The following ZDHHC6 variants were observed in gnomAD, a reference collection of about 807,000 sequenced individuals.
ZDHHC6 encodes the protein zDHHC palmitoyltransferase 6, also known as palmitoyltransferase ZDHHC6.
A neutral mutation model predicts 57.8 loss-of-function variants in ZDHHC6; 32 were observed. The observed-to-expected ratio is 0.55, with a 90% CI of 0.42 to 0.74. The LOEUF (loss-of-function observed/expected upper bound fraction) is 0.74, where lower values mean the gene tolerates loss of function less well. Among genes scored for constraint, ZDHHC6 ranks in the 30% least tolerant of loss-of-function variants. The pLI is 0.00. For missense variants in ZDHHC6, 433 were observed against 500.7 expected, an observed-to-expected ratio of 0.86 and a Z score of 1.29; for synonymous variants, 128 against 158.0, an observed-to-expected ratio of 0.81 and a Z score of 1.42.
chr10:112,432,174 T>C, intron 10 of ZDHHC6, 66 bp downstream of exon 10: 1 of 1,490,432 alleles, frequency 6.7e-7, no homozygotes, highest in Non-Finnish European at 9.0e-7. Context: ...ATAAAAGTTA[T>C]TCTTGTAAAA....
chr10:112,441,764 G>A (rs1326518435), intron 4 of ZDHHC6, among the ~76,000 whole-genome samples: 1 of 152,140 alleles, frequency 6.6e-6, no homozygotes, highest in Non-Finnish European at 1.5e-5. Context: ...GGTTTAATCT[G>A]TTTATATTTT....
Position 112,434,442 on chromosome 10 carries a change from T to G in ZDHHC6, c.758A>C (p.Tyr253Ser). The G allele has an allele frequency of 6.2e-7, 1 of 1,613,270 alleles. No individual in the cohort carries two copies. Among genetic ancestry groups the G allele is most frequent in the Non-Finnish European group, 8.5e-7 (1 of 1,179,620 alleles). ...EEKAKDRIQY[Y>S]QLDEVFVFPY... ...AAAAACAAAGACTTCATCTAGTTGATAATACTGAATTCGATCTTTAGCCTG... is the reference window on the plus strand; with the variant it reads ...AAAAACAAAGACTTCATCTAGTTGAGAATACTGAATTCGATCTTTAGCCTG... Residue 253 changes from tyrosine to serine, a missense_variant, in exon 7 of 11, where the codon TAT (tyrosine) becomes TCT (serine). By Grantham distance (144) the Tyr-to-Ser change is moderately radical (BLOSUM62 -2). Coordinates refer to ENST00000369405, the MANE Select transcript of ZDHHC6 (RefSeq NM_022494.3).
intron 7 of ZDHHC6, 162 bp from the exon 8 acceptor site, chr10:112,433,443 A>C: frequency 1.9e-6 from 1 of 527,726 alleles, no homozygotes; most frequent in South Asian, 3.1e-5. Context: ...GCATGGAAAA[A>C]AAGGCCCTAT....
intron 6 of ZDHHC6, among the ~76,000 whole-genome samples, chr10:112,436,426 A>C (rs982151481): frequency 6.6e-6 from 1 of 152,244 alleles, no homozygotes; most frequent in African/African-American, 2.4e-5. Context: ...CAGCGAGCCA[A>C]GATTGTGCCA....
rs770823047 is a variant in ZDHHC6 at position 112,442,294 on chromosome 10, T to C, written c.417A>G (p.Gln139=). The change falls in exon 4 of 11, where the codon CAA becomes CAG. Residue 139 remains glutamine, a synonymous_variant. Transcript: ENST00000369405. ...CPWINNCCGY[Q]NHASFTLFLL... is the part of the protein sequence containing the mutation. ...GAAACAGTGTGAACGAAGCATGATT[T>C]TGGTAACCACAACAGTTGTTGATCC... 6.2e-6 allele frequency: 10 copies of C among 1,613,930 alleles called. No individual in the cohort carries two copies. In the African/African-American group the frequency reaches 6.7e-5, roughly 11 times the overall value.
At chr10:112,426,569 A>C (rs148398419), downstream of ZDHHC6, 421 of 620,696 alleles carry the variant, frequency 6.8e-4, 5 homozygotes, top group East Asian at 8.2e-3. Context: ...AGATTGGGAA[A>C]GAAGAGTAAA....
intron 1 of ZDHHC6, among the ~76,000 whole-genome samples, chr10:112,446,051 C>G (rs1253200744): frequency 6.6e-6 from 1 of 152,188 alleles, no homozygotes; most frequent in African/African-American, 2.4e-5. Flanking sequence ...TCACAAGTAA[C>G]AGGTGAACCA....
downstream of ZDHHC6, among the ~76,000 whole-genome samples, chr10:112,429,191 C>G (rs1844854155): frequency 1.3e-5 from 2 of 152,172 alleles, no homozygotes; most frequent in South Asian, 4.1e-4. Flanking sequence ...AAAGGGTAGG[C>G]AGGAATTAAC....
chr10:112,440,531 T>C lies in ZDHHC6; in HGVS notation c.681+3A>G. Reference sequence around the variant, plus strand: ...TTTGACTTGAGGTAATTGAGATGCTTACCTGGATAAAAAACAACATCCCAA... The same window carrying C: ...TTTGACTTGAGGTAATTGAGATGCTCACCTGGATAAAAAACAACATCCCAA... On this transcript the variant is annotated splice_donor_region_variant and intron_variant, in intron 5 of 10. Transcript: ENST00000369405. 1.9e-6 allele frequency: 3 copies of C among 1,612,344 alleles called. No homozygotes were observed. The highest frequency in any genetic ancestry group is 2.5e-6 in the Non-Finnish European group (3 of 1,178,874).
At chr10:112,442,054 A>T in intron 4 of ZDHHC6, 138 bp downstream of exon 4, 1 of 1,015,170 alleles carries the variant, frequency 9.9e-7, no homozygotes, top group Non-Finnish European at 1.4e-6. Flanking sequence ...AGGAACCCAT[A>T]TACCAGTAAA....
At chr10:112,447,303 G>GCC (rs1227489657), upstream of ZDHHC6, 1 of 1,525,714 alleles carries the variant, frequency 6.6e-7, no homozygotes, top group African/African-American at 1.4e-5. Flanking sequence ...AAGCCGCGGG[G>GCC]CCCCTCGCTG....
upstream of ZDHHC6, chr10:112,447,103 G>T (rs988072946): frequency 2.9e-5 from 14 of 479,538 alleles, no homozygotes; most frequent in South Asian, 1.8e-4. Context: ...ACGCTTTTCT[G>T]GGGGGAGGCA....
At chr10:112,438,291 T>C (rs1845741400) in intron 6 of ZDHHC6, 45 bp downstream of exon 6, 2 of 1,219,352 alleles carry the variant, frequency 1.6e-6, no homozygotes, top group Non-Finnish European at 2.2e-6. Context: ...CAGTCCTTTA[T>C]TAATATACTT....
At chr10:112,431,000 CT>C in intron 10 of ZDHHC6, 93 bp from the exon 11 acceptor site, 1 of 1,025,892 alleles carries the variant, frequency 9.7e-7, no homozygotes, top group Non-Finnish European at 1.5e-6. Flanking sequence ...AATTAATAAG[CT>C]TGTAGTTAGA....
chr10:112,443,398 G>T, intron 3 of ZDHHC6, 117 bp downstream of exon 3: 1 of 776,408 alleles, frequency 1.3e-6, no homozygotes, highest in Non-Finnish European at 2.0e-6. Context: ...TGACAATATT[G>T]TTTATAATAT....
intron 6 of ZDHHC6, among the ~76,000 whole-genome samples, chr10:112,436,640 A>C (rs1035084117): frequency 1.3e-5 from 2 of 152,214 alleles, no homozygotes; most frequent in African/African-American, 2.4e-5. Context: ...TTTCATAATA[A>C]TACTGAAATG....
Position 112,433,294 on chromosome 10 carries a change from A to C in ZDHHC6, c.904-13T>G. 1 of 1,553,998 alleles carries C rather than the reference A, an allele frequency of 6.4e-7. No homozygotes were observed. The highest frequency in any genetic ancestry group is 8.7e-7 in the Non-Finnish European group (1 of 1,153,544). On this transcript the variant is annotated splice_polypyrimidine_tract_variant and intron_variant, in intron 7 of 10. Coordinates refer to ENST00000369405, the MANE Select transcript of ZDHHC6 (RefSeq NM_022494.3). ...TCAACTGTTCTATCTGTTTGGAAGA[A>C]ATAAAAAGAAAAAAATGAAGTCTCT...
chr10:112,429,437 T>C (rs1207473915), downstream of ZDHHC6, among the ~76,000 whole-genome samples: 1 of 152,214 alleles, frequency 6.6e-6, no homozygotes, highest in African/African-American at 2.4e-5. Context: ...TCCTACCTTC[T>C]TGCTTCACAA....
chr10:112,442,530 T>G (rs1450753756), intron 3 of ZDHHC6, among the ~76,000 whole-genome samples, 179 bp from the exon 4 acceptor site: 2 of 152,190 alleles, frequency 1.3e-5, no homozygotes, highest in Non-Finnish European at 2.9e-5. Flanking sequence ...AGTGACTCCT[T>G]TTAAATTCTA....
Sources: gnomAD v4.1 joint callset for allele counts (sites outside exome capture counted in the v4.1 genomes callset) on GRCh38, gnomAD v4.1.1 for gene constraint, MANE v1.5 for transcripts, NCBI Gene and HGNC (gene_info 2026-07-23, HGNC 2026-07-21) for gene names.